CHL1: variants seen among roughly 807,000 people sequenced by gnomAD.
CHL1 encodes the protein neural cell adhesion molecule L1-like protein.
CHL1 carries 96 observed loss-of-function variants against 141.9 expected under a neutral mutation model. That is an observed-to-expected ratio of 0.68 (90% CI 0.57 to 0.80). The LOEUF is 0.80. CHL1 is among the 30% of genes least tolerant of loss of function. The probability of loss-of-function intolerance (pLI) is 0.00; values close to 1 mark genes in which losing one functional copy is unlikely to be tolerated. For missense variants in CHL1, 1,820 were observed against 1,457.2 expected, an observed-to-expected ratio of 1.25 and a Z score of -4.05; for synonymous variants, 613 against 502.2, an observed-to-expected ratio of 1.22 and a Z score of -2.95.
intron 23 of CHL1, among the ~76,000 whole-genome samples, chr3:393,232 C>CAAAAAAAAAAAAA (rs61149354): frequency 1.1e-5 from 1 of 94,676 alleles, no homozygotes; most frequent in Admixed American, 1.5e-4. Flanking sequence ...GACTCCGTCT[C>CAAAAAAAAAAAAA]AAAAAAAAAA....
At position 363,256 on chromosome 3, in the gene CHL1, G is replaced by A; in HGVS notation, c.1458G>A (p.Arg486=). The change falls in exon 14 of 28, where the codon CGG becomes CGA. Residue 486 remains arginine (R), a synonymous_variant. Coordinates refer to ENST00000256509, the MANE Select transcript of CHL1 (RefSeq NM_006614.4). ...VEEVKPLEGR[R]YHIYENGTLQ... ...AAGTGAAACCCCTGGAGGGCAGGCGGTATCATATCTATGAAAATGGCACAT... is the reference window on the plus strand; with the variant it reads ...AAGTGAAACCCCTGGAGGGCAGGCGATATCATATCTATGAAAATGGCACAT... 1 of 1,613,512 alleles carries A rather than the reference G, an allele frequency of 6.2e-7. No individual in the cohort carries two copies. Among genetic ancestry groups the A allele is most frequent in the Non-Finnish European group, 8.5e-7 (1 of 1,179,638 alleles).
rs145634493 is a variant in CHL1 at position 222,329 on chromosome 3, C to T, written c.-174-22284C>T. Among the ~76,000 whole-genome samples the T allele has an allele frequency of 8.5e-5, 13 of 152,200 alleles. No individual in the cohort carries two copies. The East Asian group carries it at 1.4e-3, about 16-fold the overall frequency. The stretch of plus-strand genomic sequence containing the variant: ...ACTCTAGCTCACGGTCCTGTTGGAG[C>T]TCAGGGGAAGCTGCCCTCTTGCCCT... On this transcript the variant is annotated intron_variant, in intron 1 of 27. Coordinates refer to ENST00000256509, the MANE Select transcript of CHL1 (RefSeq NM_006614.4).
chr3:392,728 C>T (rs562459458), intron 23 of CHL1, among the ~76,000 whole-genome samples: 9 of 152,326 alleles, frequency 5.9e-5, no homozygotes, highest in African/African-American at 1.9e-4. Flanking sequence ...CTCAAGACTT[C>T]CAGCAATCCA....
At chr3:351,717 C>A (rs968282257) in intron 10 of CHL1, among the ~76,000 whole-genome samples, 1 of 152,194 alleles carries the variant, frequency 6.6e-6, no homozygotes, top group African/African-American at 2.4e-5. Flanking sequence ...TCTGTATGTG[C>A]AATGTCTTTC....
At chr3:332,676 G>A (rs1168980023) in intron 5 of CHL1, among the ~76,000 whole-genome samples, 2 of 152,150 alleles carry the variant, frequency 1.3e-5, no homozygotes, top group Admixed American at 6.5e-5. Flanking sequence ...ATTGTTCTCA[G>A]GAGTTTGGAT....
At chr3:367,455 G>A (rs997213879) in intron 15 of CHL1, among the ~76,000 whole-genome samples, 3 of 152,094 alleles carry the variant, frequency 2.0e-5, no homozygotes, top group Admixed American at 1.3e-4. Context: ...ACATCTTTGT[G>A]CTTTAGTTTT....
Position 340,710 on chromosome 3 carries a change from G to C in CHL1, c.386-84G>C, listed in dbSNP as rs187593061. The stretch of plus-strand genomic sequence containing the variant: ...GAATTTATTTAAATTGCTGAATTTT[G>C]AAAAAAAAGAACATATTAAGATATT... On this transcript the variant is annotated intron_variant, in intron 5 of 27. Coordinates refer to ENST00000256509, the MANE Select transcript of CHL1 (RefSeq NM_006614.4). 1,221 of 1,159,334 alleles carry C rather than the reference G, an allele frequency of 1.1e-3. 11 individuals carry two copies. In the African/African-American group the frequency reaches 0.017, roughly 16 times the overall value. 71.8% of individuals were successfully genotyped at this position (1,159,334 alleles called of 1,614,324 possible).
intron 2 of CHL1, among the ~76,000 whole-genome samples, chr3:289,046 G>A (rs1697426870): frequency 6.6e-6 from 1 of 152,110 alleles, no homozygotes; most frequent in Non-Finnish European, 1.5e-5. Context: ...AATGCGAAGG[G>A]TGATCAAGGA....
intron 2 of CHL1, among the ~76,000 whole-genome samples, chr3:256,224 T>C (rs1331387087): frequency 6.6e-6 from 1 of 151,338 alleles, no homozygotes; most frequent in African/African-American, 2.4e-5. Flanking sequence ...AAAAATATAG[T>C]ATGACTTTGA....
rs549553141 is a variant in CHL1 at position 402,593 on chromosome 3, G to C, written c.3458+895G>C. Among the ~76,000 whole-genome samples the C allele has an allele frequency of 2.0e-5, 3 of 152,292 alleles. No individual in the cohort carries two copies. In the South Asian group the frequency reaches 6.2e-4, roughly 32 times the overall value. On this transcript the variant is annotated intron_variant, in intron 27 of 27. Transcript: ENST00000256509. Reference sequence around the variant, plus strand: ...TTAAAGAAGAAATCTGATTGATCCTGATTCTCTCATCTCTGGATTCATTAC... The same window carrying C: ...TTAAAGAAGAAATCTGATTGATCCTCATTCTCTCATCTCTGGATTCATTAC...
At chr3:218,962 C>T (rs367549717) in intron 1 of CHL1, among the ~76,000 whole-genome samples, 23 of 152,092 alleles carry the variant, frequency 1.5e-4, no homozygotes, top group East Asian at 1.4e-3. Context: ...CTGGCTAACA[C>T]GGTGAAACCC....
chr3:322,681 T>C (rs1700696211), intron 3 of CHL1, among the ~76,000 whole-genome samples: 1 of 143,352 alleles, frequency 7.0e-6, no homozygotes, highest in Non-Finnish European at 1.5e-5. Flanking sequence ...ATTATATATA[T>C]ATATATAAAA....
At chr3:320,857 A>T (rs981642195) in intron 3 of CHL1, among the ~76,000 whole-genome samples, 3 of 152,096 alleles carry the variant, frequency 2.0e-5, no homozygotes, top group Non-Finnish European at 4.4e-5. Context: ...CGTATCATTC[A>T]GGAATAATCT....
At chr3:327,469 A>C in intron 4 of CHL1, among the ~76,000 whole-genome samples, 1 of 151,996 alleles carries the variant, frequency 6.6e-6, no homozygotes, top group East Asian at 1.9e-4. Context: ...AAATACTATA[A>C]AAAGTTTTTA....
chr3:366,308 TA>T (rs1704873803), intron 15 of CHL1, among the ~76,000 whole-genome samples, 193 bp downstream of exon 15: 1 of 151,720 alleles, frequency 6.6e-6, no homozygotes, highest in African/African-American at 2.4e-5. Flanking sequence ...CCGTCTCCAC[TA>T]AAAATACAAA....
intron 1 of CHL1, among the ~76,000 whole-genome samples, chr3:220,634 T>C (rs1231483230): frequency 1.3e-5 from 2 of 152,082 alleles, no homozygotes; most frequent in Non-Finnish European, 2.9e-5. Context: ...AATGCTATAA[T>C]TGCACCTGTG....
chr3:212,831 C>T (rs1269969393), intron 1 of CHL1, among the ~76,000 whole-genome samples: 4 of 152,138 alleles, frequency 2.6e-5, no homozygotes, highest in African/African-American at 9.7e-5. Flanking sequence ...ACCAGCCATT[C>T]GACAGTCTCC....
chr3:376,637 C>T (rs1421271245), intron 15 of CHL1, among the ~76,000 whole-genome samples: 1 of 152,212 alleles, frequency 6.6e-6, no homozygotes, highest in Non-Finnish European at 1.5e-5. Context: ...GGCCCTCGTG[C>T]AGGGCACAGA....
At chr3:323,359 A>G (rs1344408073) in intron 3 of CHL1, among the ~76,000 whole-genome samples, 1 of 152,224 alleles carries the variant, frequency 6.6e-6, no homozygotes, top group African/African-American at 2.4e-5. Context: ...ACAAGTGTCA[A>G]TTTTTGATAT....
Sources: allele counts gnomAD v4.1 joint callset (sites outside exome capture counted in the v4.1 genomes callset), GRCh38; gene constraint gnomAD v4.1.1; transcripts MANE v1.5; gene names NCBI Gene and HGNC (gene_info 2026-07-23, HGNC 2026-07-21).